Variants in RARS1 observed in about 807,000 individuals in gnomAD.
RARS1 encodes arginine--tRNA ligase, cytoplasmic.
A neutral mutation model predicts 78.7 loss-of-function variants in RARS1; 75 were observed. The observed-to-expected ratio is 0.95, with a 90% CI of 0.79 to 1.15. The LOEUF (loss-of-function observed/expected upper bound fraction) is 1.15, where lower values mean the gene tolerates loss of function less well. Among genes scored for constraint, RARS1 ranks in the 50% most tolerant of loss-of-function variants. RARS1 has a pLI of 0.00. For synonymous variants in RARS1, 273 were observed against 268.2 expected (o/e 1.02, Z -0.18); for missense variants, 787 against 787.5 (o/e 1.00, Z 0.01).
At chr5:168,500,491 C>T in intron 7 of RARS1, 100 bp from the exon 8 acceptor site, 3 of 1,149,926 alleles carry the variant, frequency 2.6e-6, no homozygotes, top group Non-Finnish European at 3.3e-6. Context: ...TGTACTTTCT[C>T]ACTGTGTTTG....
chr5:168,505,254 A>C (rs1345928772), intron 9 of RARS1, among the ~76,000 whole-genome samples: 1 of 141,458 alleles, frequency 7.1e-6, no homozygotes, highest in Non-Finnish European at 1.5e-5. Flanking sequence ...TTAAGGACTT[A>C]GCATAGTACT....
intron 2 of RARS1, among the ~76,000 whole-genome samples, chr5:168,489,424 A>G (rs1758035516): frequency 6.6e-6 from 1 of 152,232 alleles, no homozygotes; most frequent in Non-Finnish European, 1.5e-5. Flanking sequence ...ATTTGAAAAT[A>G]CACCTGCATA....
intron 9 of RARS1, 110 bp downstream of exon 9, chr5:168,502,215 G>C (rs765180732): frequency 1.6e-4 from 227 of 1,441,456 alleles, no homozygotes; most frequent in Admixed American, 2.5e-4. Context: ...AATTTCAACA[G>C]TTATGGGTAC....
rs552606100 is a variant in RARS1 at position 168,493,867 on chromosome 5, A to G, written c.370-27A>G. 12 of 1,553,014 alleles carry G rather than the reference A, an allele frequency of 7.7e-6. No homozygotes were observed. The South Asian group carries it at 1.1e-4, about 15-fold the overall frequency. Reference sequence around the variant, plus strand: ...AGTAACTTGCTGAAATCTGTTGTGTAATGAATCATTTTATATTGTGTTGTA... The same window carrying G: ...AGTAACTTGCTGAAATCTGTTGTGTGATGAATCATTTTATATTGTGTTGTA... On this transcript the variant is annotated intron_variant, in intron 3 of 14. Coordinates refer to ENST00000231572, the MANE Select transcript of RARS1 (RefSeq NM_002887.4).
At chr5:168,505,758 G>GT (rs1239134164) in intron 9 of RARS1, among the ~76,000 whole-genome samples, 3 of 148,786 alleles carry the variant, frequency 2.0e-5, no homozygotes, top group Non-Finnish European at 3.0e-5. Flanking sequence ...CAAGTTTAGT[G>GT]TTTAAGTGTG....
chr5:168,505,089 G>T (rs1031318091), intron 9 of RARS1, among the ~76,000 whole-genome samples: 1 of 152,158 alleles, frequency 6.6e-6, no homozygotes, highest in Non-Finnish European at 1.5e-5. Context: ...GCTAATAAGC[G>T]ATACGTCTGA....
intron 11 of RARS1, among the ~76,000 whole-genome samples, chr5:168,510,358 G>T (rs1249131591): frequency 6.6e-6 from 1 of 152,198 alleles, no homozygotes; most frequent in African/African-American, 2.4e-5. Context: ...ACACTTGAAA[G>T]CACAGTGTTT....
chr5:168,491,587 G>C (rs1246654449), intron 2 of RARS1, among the ~76,000 whole-genome samples: 1 of 152,130 alleles, frequency 6.6e-6, no homozygotes, highest in Non-Finnish European at 1.5e-5. Flanking sequence ...ATAAAACTTG[G>C]ACTGTCCATT....
At chr5:168,511,195 AT>A (rs112853562) in intron 12 of RARS1, among the ~76,000 whole-genome samples, 3,152 of 143,824 alleles carry the variant, frequency 0.022, 69 homozygotes, top group African/African-American at 0.055. Context: ...AACAAGAAAA[AT>A]TTTTTTTTTT....
chr5:168,512,992 T>A (rs1400710614), intron 12 of RARS1, among the ~76,000 whole-genome samples: 1 of 152,200 alleles, frequency 6.6e-6, no homozygotes, highest in Non-Finnish European at 1.5e-5. Flanking sequence ...TTCATTCCTC[T>A]GATGAATAAT....
At chr5:168,503,811 T>G (rs558711135) in intron 9 of RARS1, among the ~76,000 whole-genome samples, 1 of 152,186 alleles carries the variant, frequency 6.6e-6, no homozygotes, top group Admixed American at 6.5e-5. Context: ...TGGCTCATGC[T>G]TGTAATCACA....
rs757601307 is a variant in RARS1 at position 168,502,012 on chromosome 5, A to T, written c.964A>T (p.Ile322Phe). 5.0e-6 allele frequency: 8 copies of T among 1,586,908 alleles called. No homozygotes were observed. In the South Asian group the frequency reaches 8.4e-5, roughly 17 times the overall value. Reference sequence around the variant, plus strand: ...ATTTTCTTCCCTAGAGTTAAATAAAATCTATGATGCATTGGACGTCTCTTT... The same window carrying T: ...ATTTTCTTCCCTAGAGTTAAATAAATTCTATGATGCATTGGACGTCTCTTT... The part of the protein sequence containing the change: ...CDVSRQELNK[I>F]YDALDVSLIE... The change falls in exon 9 of 15, where the codon ATC becomes TTC. Residue 322 changes from isoleucine (I) to phenylalanine (F), a missense_variant. Ile to Phe is a conservative substitution (Grantham distance 21). Coordinates refer to ENST00000231572, the MANE Select transcript of RARS1 (RefSeq NM_002887.4).
At chr5:168,504,892 CAG>C (rs1371779018) in intron 9 of RARS1, among the ~76,000 whole-genome samples, 4 of 152,010 alleles carry the variant, frequency 2.6e-5, no homozygotes, top group Non-Finnish European at 5.9e-5. Context: ...GAGGCTGAGG[CAG>C]GAGGATTGCT....
chr5:168,507,993 C>G (rs775946070), intron 11 of RARS1, among the ~76,000 whole-genome samples: 2 of 152,030 alleles, frequency 1.3e-5, no homozygotes, highest in East Asian at 3.9e-4. Flanking sequence ...TCACTGGGCT[C>G]CAGCCTGGGT....
rs751086886 is a variant in RARS1, at chr5:168,497,274, G to A, written c.748G>A (p.Ala250Thr). The A allele has an allele frequency of 1.1e-4, 180 of 1,589,784 alleles. No individual in the cohort carries two copies. Among genetic ancestry groups the A allele is most frequent in the Non-Finnish European group, 1.5e-4 (170 of 1,166,806 alleles). ...DWGTQFGMLIAHLQDKFPDYL... is the reference protein window; with the variant it reads ...DWGTQFGMLITHLQDKFPDYL... ...GGGGACCCAGTTTGGCATGCTCATC[G>A]CTCACCTGCAAGACAAATTTCCAGA... The change falls in exon 7 of 15, where the codon GCT (alanine) becomes ACT (threonine). Residue 250 changes from alanine to threonine, a missense_variant. Physicochemically the swap from Ala to Thr is moderately conservative, Grantham distance 58. Coordinates refer to ENST00000231572, the MANE Select transcript of RARS1 (RefSeq NM_002887.4).
chr5:168,501,478 G>A (rs926358402), intron 8 of RARS1, among the ~76,000 whole-genome samples: 6 of 152,030 alleles, frequency 3.9e-5, no homozygotes, highest in Non-Finnish European at 8.8e-5. Flanking sequence ...AAAAGTAAAT[G>A]TTGGGAGGCC....
intron 1 of RARS1, among the ~76,000 whole-genome samples, chr5:168,487,340 T>A (rs1757987344): frequency 6.6e-6 from 1 of 151,422 alleles, no homozygotes; most frequent in Admixed American, 6.6e-5. Flanking sequence ...CACCACAGCC[T>A]GGGCGACAGA....
chr5:168,509,415 T>C (rs1234747890), intron 11 of RARS1, among the ~76,000 whole-genome samples: 1 of 146,176 alleles, frequency 6.8e-6, no homozygotes, highest in Non-Finnish European at 1.5e-5. Context: ...GCTTCATTGT[T>C]ATATTTGAGG....
rs543990085 is a variant in RARS1, at chr5:168,496,643, C to T, written c.702-585C>T. Among the ~76,000 whole-genome samples the T allele has an allele frequency of 7.2e-5, 11 of 151,790 alleles. No homozygotes were observed. In the South Asian group the frequency reaches 2.3e-3, roughly 32 times the overall value. ...GACTACAGGCGCCCACCACCACACC[C>T]GGCTAATTTTTTGTATTTTTAGTAG... On this transcript the variant is annotated intron_variant, in intron 6 of 14. Transcript: ENST00000231572.
Sources: allele counts gnomAD v4.1 joint callset (sites outside exome capture counted in the v4.1 genomes callset), GRCh38; gene constraint gnomAD v4.1.1; transcripts MANE v1.5; gene names NCBI Gene and HGNC (gene_info 2026-07-23, HGNC 2026-07-21).